The following ABCG8 variants were observed in gnomAD, a reference collection of about 807,000 sequenced individuals.
ABCG8 encodes ATP-binding cassette sub-family G member 8.
ABCG8 carries 81 observed loss-of-function variants against 71.3 expected under a neutral mutation model. The ratio of observed to expected loss-of-function variants is 1.14; its 90% confidence interval spans 0.95 to 1.37. ABCG8 has a LOEUF of 1.37. Ranked by LOEUF, ABCG8 falls within the 40% of genes most tolerant of loss-of-function variation. The pLI is 0.00. For synonymous variants in ABCG8, 451 were observed against 354.7 expected, an observed-to-expected ratio of 1.27 and a Z score of -3.05; for missense variants, 1,119 against 866.2, an observed-to-expected ratio of 1.29 and a Z score of -3.66.
intron 1 of ABCG8, 132 bp downstream of exon 1, chr2:43,839,248 G>C: frequency 9.9e-7 from 1 of 1,012,794 alleles, no homozygotes; most frequent in Non-Finnish European, 1.5e-6. Context: ...ATGGCCGCAG[G>C]ACTGTTTCCT....
rs368157557 is a variant in ABCG8 at position 43,842,398 on chromosome 2, C to A, written c.64-2109C>A. 3.9e-5 allele frequency among the ~76,000 whole-genome samples: 6 copies of A among 152,136 alleles called. No individual in the cohort carries two copies. The East Asian group carries it at 1.2e-3, about 29-fold the overall frequency. ...ATGTGCACAGTGACAGCGGAGAGGG[C>A]GAGTGAGGGGCAAGGCCGAAGGGCT... On this transcript the variant is annotated intron_variant, in intron 1 of 12. Transcript: ENST00000272286.
chr2:43,877,424 T>C, intron 11 of ABCG8, 137 bp from the exon 12 acceptor site: 1 of 1,374,542 alleles, frequency 7.3e-7, no homozygotes, highest in East Asian at 2.3e-5. Flanking sequence ...ACTGTGGGAA[T>C]ATGGGGAGAT....
chr2:43,868,217 C>T (rs921444463), intron 6 of ABCG8, among the ~76,000 whole-genome samples: 11 of 152,050 alleles, frequency 7.2e-5, no homozygotes, highest in Non-Finnish European at 1.2e-4. Flanking sequence ...AATTCTCACC[C>T]TCTGGATAGA....
chr2:43,872,192 C>T (rs201357179), intron 7 of ABCG8, 31 bp from the exon 8 acceptor site: 1 of 1,614,004 alleles, frequency 6.2e-7, no homozygotes, highest in East Asian at 2.2e-5. Flanking sequence ...GTGGCTGCCC[C>T]CATGACCTGG....
rs1240685001 is a variant in ABCG8 at position 43,882,584 on chromosome 2, C to T, written c.*4671C>T. On this transcript the variant is annotated 3_prime_UTR_variant, in exon 13 of 13. Transcript: ENST00000272286. ...TGTGAATAGTCTGCACTAGATAATT[C>T]AGATTTCAAGTCATCTGTCATTCGT... The T allele has an allele frequency of 6.6e-6, 1 of 152,236 alleles. No individual in the cohort carries two copies. Among genetic ancestry groups the T allele is most frequent in the African/African-American group, 2.4e-5 (1 of 41,458 alleles). 9.4% of individuals were successfully genotyped at this position (152,236 alleles called of 1,614,324 possible).
chr2:43,869,669 ATCTGGATAGAATTCTCCCTC>A (rs1669686915), intron 6 of ABCG8, among the ~76,000 whole-genome samples: 1 of 151,844 alleles, frequency 6.6e-6, no homozygotes, highest in Admixed American at 6.6e-5. Flanking sequence ...TTCTCTATCT[ATCTGGATAGAATTCTCCCTC>A]TCTGGATAGA....
intron 8 of ABCG8, 89 bp from the exon 9 acceptor site, chr2:43,873,698 A>C: frequency 7.2e-7 from 1 of 1,390,178 alleles, no homozygotes; most frequent in South Asian, 1.2e-5. Flanking sequence ...CATAGGAGAA[A>C]AATGAGGCTT....
chr2:43,843,068 A>G (rs1668630808), intron 1 of ABCG8, among the ~76,000 whole-genome samples: 1 of 152,226 alleles, frequency 6.6e-6, no homozygotes, highest in Non-Finnish European at 1.5e-5. Flanking sequence ...CACCTACAGC[A>G]TGTGCGTGCA....
Position 43,875,143 on chromosome 2 carries a change from C to T in ABCG8, c.1489-3C>T. The T allele has an allele frequency of 6.2e-7, 1 of 1,614,216 alleles. No individual in the cohort carries two copies. The highest frequency in any genetic ancestry group is 8.5e-7 in the Non-Finnish European group (1 of 1,180,048). ...ATATCCTTGCAAGGGCTGTTCTTTGCAGATCCTCGGGGAGCTTCCGGAGCA... is the reference window on the plus strand; with the variant it reads ...ATATCCTTGCAAGGGCTGTTCTTTGTAGATCCTCGGGGAGCTTCCGGAGCA... On this transcript the variant is annotated splice_region_variant and splice_polypyrimidine_tract_variant and intron_variant, in intron 10 of 12. Transcript: ENST00000272286.
chr2:43,849,850 T>A (rs1437049639), intron 3 of ABCG8, among the ~76,000 whole-genome samples: 1 of 152,150 alleles, frequency 6.6e-6, no homozygotes, highest in African/African-American at 2.4e-5. Flanking sequence ...CCTGAGAGCC[T>A]CTGCACAGTA....
In ABCG8 at chr2:43,877,757, T is replaced by C; in HGVS notation, c.1885-19T>C. The stretch of plus-strand genomic sequence containing the variant: ...CTTTCCATCCTCCTCATGAGCCCAC[T>C]GCATGTCTGTGTCTCCAGATCCTCA... On this transcript the variant is annotated intron_variant, in intron 12 of 12. Transcript: ENST00000272286. 6.2e-7 allele frequency: 1 copy of C among 1,614,148 alleles called. No individual in the cohort carries two copies. Among genetic ancestry groups the C allele is most frequent in the South Asian group, 1.1e-5 (1 of 91,086 alleles).
In ABCG8 at chr2:43,851,756, G is replaced by A. The variant is rs779273340; in HGVS notation, c.495G>A (p.Glu165=). 3.1e-6 allele frequency: 5 copies of A among 1,614,252 alleles called. No individual in the cohort carries two copies. Among genetic ancestry groups the A allele is most frequent in the East Asian group, 2.2e-5 (1 of 44,880 alleles). ...NQLLPNLTVR[E]TLAFIAQMRL... is the part of the protein sequence containing the mutation. ...TGCTCCCCAACTTGACTGTGCGAGA[G>A]ACCTTGGCCTTCATTGCCCAGATGC... The change falls in exon 4 of 13, where the codon GAG becomes GAA. Residue 165 remains glutamate (E), a synonymous_variant. Transcript: ENST00000272286.
rs137852992 is a variant in ABCG8 at position 43,877,591 on chromosome 2, T to G, written c.1787T>G (p.Leu596Arg). 6.2e-6 allele frequency: 10 copies of G among 1,614,028 alleles called. No homozygotes were observed. The highest frequency in any genetic ancestry group is 8.5e-6 in the Non-Finnish European group (10 of 1,180,032). The change falls in exon 12 of 13, where the codon CTG becomes CGG. Residue 596 changes from leucine (L) to arginine (R), a missense_variant. Transcript: ENST00000272286. ...GCGTGGATTTCCAAAGTGTCCTTCC[T>G]GCGGTGGTGTTTTGAAGGGCTGATG... The part of the protein sequence containing the change: ...VPAWISKVSF[L>R]RWCFEGLMKI...
intron 4 of ABCG8, 133 bp downstream of exon 4, chr2:43,851,955 G>A: frequency 9.7e-7 from 1 of 1,034,630 alleles, no homozygotes; most frequent in South Asian, 1.3e-5. Flanking sequence ...CCTTCCGCCA[G>A]CCCTGGGCTG....
chr2:43,865,189 G>T (rs1411469762), intron 6 of ABCG8, among the ~76,000 whole-genome samples: 1 of 149,978 alleles, frequency 6.7e-6, no homozygotes, highest in African/African-American at 2.5e-5. Flanking sequence ...TCTGGATAGA[G>T]CTCTCACTAT....
At chr2:43,844,683 G>T in intron 2 of ABCG8, 75 bp downstream of exon 2, 1 of 1,232,366 alleles carries the variant, frequency 8.1e-7, no homozygotes, top group Non-Finnish European at 1.2e-6. Flanking sequence ...GGAAATAAAA[G>T]GGTGGGCCCA....
chr2:43,845,050 C>A (rs1222298248), intron 2 of ABCG8, among the ~76,000 whole-genome samples: 1 of 149,586 alleles, frequency 6.7e-6, no homozygotes, highest in African/African-American at 2.5e-5. Flanking sequence ...TAACTACAGA[C>A]TTTATTCAGA....
At chr2:43,862,833 G>C (rs1572849863) in intron 6 of ABCG8, among the ~76,000 whole-genome samples, 1 of 148,932 alleles carries the variant, frequency 6.7e-6, no homozygotes, top group Admixed American at 6.7e-5. Context: ...CTTACTAACT[G>C]TCTGGATAGA....
At chr2:43,866,612 C>A (rs1276644162) in intron 6 of ABCG8, among the ~76,000 whole-genome samples, 2 of 152,072 alleles carry the variant, frequency 1.3e-5, no homozygotes, top group South Asian at 4.2e-4. Context: ...CCACCACTGG[C>A]CATCAGAGAA....
Sources: allele counts gnomAD v4.1 joint callset (sites outside exome capture counted in the v4.1 genomes callset), GRCh38; gene constraint gnomAD v4.1.1; transcripts MANE v1.5; gene names NCBI Gene and HGNC (gene_info 2026-07-23, HGNC 2026-07-21).